Variants in MAGI1 observed in about 807,000 individuals in gnomAD.
The protein encoded by MAGI1 is membrane associated guanylate kinase, WW and PDZ domain containing 1.
MAGI1 carries 58 observed loss-of-function variants against 139.9 expected under a neutral mutation model. That is an observed-to-expected ratio of 0.41 (90% CI 0.34 to 0.52). The LOEUF (loss-of-function observed/expected upper bound fraction) is 0.52. Among genes scored for constraint, MAGI1 ranks in the 20% least tolerant of loss-of-function variants. MAGI1 has a pLI of 0.12. For missense variants in MAGI1, 1,874 were observed against 1,901.6 expected (o/e 0.99, Z 0.27); for synonymous variants, 812 against 737.9 (o/e 1.10, Z -1.63).
At chr3:65,508,944 T>C (rs1277646758) in intron 2 of MAGI1, among the ~76,000 whole-genome samples, 3 of 152,314 alleles carry the variant, frequency 2.0e-5, no homozygotes, top group Admixed American at 1.3e-4. Flanking sequence ...TTCCTCCATT[T>C]GGCAGCAGGG....
At chr3:65,921,228 C>T (rs1462853252) in intron 1 of MAGI1, among the ~76,000 whole-genome samples, 1 of 151,966 alleles carries the variant, frequency 6.6e-6, no homozygotes, top group Non-Finnish European at 1.5e-5. Flanking sequence ...TGGTATTTTG[C>T]TCAGGCCAAT....
chr3:65,949,905 C>T (rs1444809662), intron 1 of MAGI1, among the ~76,000 whole-genome samples: 2 of 151,670 alleles, frequency 1.3e-5, no homozygotes, highest in African/African-American at 4.8e-5. Context: ...ATAAATTAGC[C>T]GGGCAGAGTG....
intron 1 of MAGI1, among the ~76,000 whole-genome samples, chr3:65,861,310 A>G (rs995068678): frequency 1.3e-5 from 2 of 152,142 alleles, no homozygotes; most frequent in Admixed American, 1.3e-4. Context: ...ATACCAGGTG[A>G]GTACTCTCTG....
chr3:65,517,018 G>A (rs1205678951), intron 2 of MAGI1, among the ~76,000 whole-genome samples: 1 of 151,978 alleles, frequency 6.6e-6, no homozygotes, highest in South Asian at 2.1e-4. Context: ...GTGAGCCACC[G>A]CGCCCGGCCC....
At chr3:65,471,766 T>C (rs73115930) in intron 4 of MAGI1, among the ~76,000 whole-genome samples, 48,364 of 145,628 alleles carry the variant, frequency 0.33, 9,112 homozygotes, top group East Asian at 0.73. Context: ...AATAGGTACA[T>C]GATCTAAGGC....
intron 1 of MAGI1, among the ~76,000 whole-genome samples, chr3:65,690,734 T>A (rs1158321623): frequency 2.0e-5 from 3 of 151,792 alleles, no homozygotes; most frequent in Admixed American, 2.0e-4. Context: ...CCTCCCAATG[T>A]GCTGGGATTA....
At chr3:65,910,282 A>G (rs1379511754) in intron 1 of MAGI1, among the ~76,000 whole-genome samples, 4 of 152,244 alleles carry the variant, frequency 2.6e-5, no homozygotes, top group Non-Finnish European at 4.4e-5. Context: ...AGAGATAGAT[A>G]TAATTGAGAA....
At chr3:65,477,203 A>G (rs1423019017) in intron 4 of MAGI1, among the ~76,000 whole-genome samples, 2 of 152,302 alleles carry the variant, frequency 1.3e-5, no homozygotes, top group East Asian at 3.9e-4. Context: ...CATCCAAAAA[A>G]TTTTATTTCC....
At chr3:65,857,031 G>C (rs1053546231) in intron 1 of MAGI1, among the ~76,000 whole-genome samples, 1 of 152,188 alleles carries the variant, frequency 6.6e-6, no homozygotes, top group African/African-American at 2.4e-5. Context: ...ACAGGAGTTG[G>C]CCAGCTCCAA....
At chr3:66,024,648 A>T (rs557288018) in intron 1 of MAGI1, among the ~76,000 whole-genome samples, 1 of 152,198 alleles carries the variant, frequency 6.6e-6, no homozygotes, top group South Asian at 2.1e-4. Flanking sequence ...CTCTAATAAA[A>T]ATACAAAATT....
At position 65,621,284 on chromosome 3, in the gene MAGI1, C is replaced by T. The variant is rs75627844; in HGVS notation, c.430+688G>A. On this transcript the variant is annotated intron_variant, in intron 2 of 22. Transcript: ENST00000402939. ...ACAGTACAGTGATACTTCACTACAACGGAGCTGCGAATTTATCCAACCATA... is the reference window on the plus strand; with the variant it reads ...ACAGTACAGTGATACTTCACTACAATGGAGCTGCGAATTTATCCAACCATA... Among the ~76,000 whole-genome samples the T allele has an allele frequency of 4.2e-3, 646 of 152,296 alleles. 6 individuals carry two copies. Among genetic ancestry groups the T allele is most frequent in the African/African-American group, 9.2e-3 (384 of 41,570 alleles).
intron 12 of MAGI1, chr3:65,401,935 AT>A (rs1461969316): frequency 5.1e-6 from 5 of 982,184 alleles, no homozygotes; most frequent in Non-Finnish European, 4.8e-6. Context: ...AATTAAAAAA[AT>A]TTTTTTGGTC....
At chr3:65,975,559 C>A (rs992173403) in intron 1 of MAGI1, among the ~76,000 whole-genome samples, 1 of 152,178 alleles carries the variant, frequency 6.6e-6, no homozygotes, top group African/African-American at 2.4e-5. Context: ...AGTTCAAGAC[C>A]AGCCTGGGCA....
chr3:65,978,554 T>C (rs189387326), intron 1 of MAGI1, among the ~76,000 whole-genome samples: 3 of 151,966 alleles, frequency 2.0e-5, no homozygotes, highest in African/African-American at 7.2e-5. Flanking sequence ...TTCCTAACAG[T>C]ATCCTCAGTT....
At chr3:65,910,286 T>C (rs2061603508) in intron 1 of MAGI1, among the ~76,000 whole-genome samples, 2 of 152,188 alleles carry the variant, frequency 1.3e-5, no homozygotes, top group Admixed American at 6.6e-5. Context: ...ATAGATATAA[T>C]TGAGAATCTC....
intron 2 of MAGI1, among the ~76,000 whole-genome samples, chr3:65,503,798 T>C (rs948343739): frequency 6.6e-6 from 1 of 152,180 alleles, no homozygotes; most frequent in Non-Finnish European, 1.5e-5. Context: ...GTTTTCATGA[T>C]CCTACTTCTA....
intron 1 of MAGI1, among the ~76,000 whole-genome samples, chr3:65,727,899 T>C (rs2033787311): frequency 6.6e-6 from 1 of 152,196 alleles, no homozygotes; most frequent in South Asian, 2.1e-4. Flanking sequence ...AAGGATGATA[T>C]ATCAATCCGG....
At chr3:65,956,493 G>T (rs1220683653) in intron 1 of MAGI1, among the ~76,000 whole-genome samples, 2 of 152,172 alleles carry the variant, frequency 1.3e-5, no homozygotes, top group East Asian at 3.8e-4. Context: ...CAGGGTTAAA[G>T]CTAAACTCAT....
At chr3:65,610,748 A>AC (rs1553680015) in intron 2 of MAGI1, among the ~76,000 whole-genome samples, 4 of 142,450 alleles carry the variant, frequency 2.8e-5, no homozygotes, top group Non-Finnish European at 4.6e-5. Context: ...TATAGTATAT[A>AC]TACAGTATAT....
Sources: allele counts gnomAD v4.1 joint callset (sites outside exome capture counted in the v4.1 genomes callset), GRCh38; gene constraint gnomAD v4.1.1; transcripts MANE v1.5; gene names NCBI Gene and HGNC (gene_info 2026-07-23, HGNC 2026-07-21).